Variants in TMC1 observed in about 807,000 individuals in gnomAD.
The protein encoded by TMC1 is transmembrane channel-like protein 1.
In TMC1, 84 loss-of-function variants were observed where a neutral mutation model predicts 105.8. That is an observed-to-expected ratio of 0.79 (90% confidence interval 0.67 to 0.95). The LOEUF (loss-of-function observed/expected upper bound fraction) is 0.95, where lower values mean the gene tolerates loss of function less well. Ranked by LOEUF, TMC1 falls within the 40% of genes least tolerant of loss-of-function variation. The pLI is 0.00. For missense variants in TMC1, 817 were observed against 914.1 expected (o/e 0.89, Z 1.37); for synonymous variants, 315 against 311.5 (o/e 1.01, Z -0.12).
At chr9:72,739,867 C>T (rs1827359011) in intron 8 of TMC1, among the ~76,000 whole-genome samples, 1 of 152,204 alleles carries the variant, frequency 6.6e-6, no homozygotes, top group Non-Finnish European at 1.5e-5. Flanking sequence ...TGACATTTAG[C>T]ATCAATTCCC....
rs144891426 is a variant in TMC1, at chr9:72,682,685, T to C, written c.17-6024T>C. 3.1e-3 allele frequency among the ~76,000 whole-genome samples: 467 copies of C among 152,340 alleles called. 6 individuals are homozygous for C. Among genetic ancestry groups the C allele is most frequent in the African/African-American group, 0.011 (452 of 41,572 alleles). On this transcript the variant is annotated intron_variant, in intron 5 of 23. Transcript: ENST00000297784. Reference sequence around the variant, plus strand: ...CAGTTTTGTATGCAGTAGCTTCTGTTGTCTACTTCACAACCACCAATAGTG... The same window carrying C: ...CAGTTTTGTATGCAGTAGCTTCTGTCGTCTACTTCACAACCACCAATAGTG...
At position 72,694,654 on chromosome 9, in the gene TMC1, A is replaced by G. The variant is rs1826519855; in HGVS notation, c.176A>G (p.Glu59Gly). The G allele has an allele frequency of 6.2e-7, 1 of 1,612,504 alleles. No individual in the cohort carries two copies. Among genetic ancestry groups the G allele is most frequent in the Non-Finnish European group, 8.5e-7 (1 of 1,179,256 alleles). ...GAGGATGACCCAGAACCTGAACCAG[A>G]GGATGAAGAAACAAGGAAGGCAAGA... ...INEDDPEPEP[E>G]DEETRKAREK... The change falls in exon 7 of 24, where the codon GAG becomes GGG. Residue 59 changes from glutamate (E) to glycine (G), a missense_variant. Physicochemically the swap from Glu to Gly is moderately conservative, Grantham distance 98. Coordinates refer to ENST00000297784, the MANE Select transcript of TMC1 (RefSeq NM_138691.3).
chr9:72,653,924 A>G (rs1482075581), intron 5 of TMC1, among the ~76,000 whole-genome samples: 2 of 152,210 alleles, frequency 1.3e-5, no homozygotes, highest in Non-Finnish European at 2.9e-5. Context: ...TACATTTAGT[A>G]TAGTGCTTTT....
intron 13 of TMC1, among the ~76,000 whole-genome samples, chr9:72,782,945 C>T (rs1280130073): frequency 6.6e-6 from 1 of 151,994 alleles, no homozygotes; most frequent in African/African-American, 2.4e-5. Flanking sequence ...ATTTAACATT[C>T]ATATGGAACC....
At chr9:72,730,536 TCCCAG>T (rs1196523684) in intron 8 of TMC1, among the ~76,000 whole-genome samples, 2 of 152,172 alleles carry the variant, frequency 1.3e-5, no homozygotes, top group East Asian at 3.9e-4. Context: ...TGATGCCATA[TCCCAG>T]CCCTAGAGAT....
intron 5 of TMC1, among the ~76,000 whole-genome samples, chr9:72,681,470 C>T (rs924041901): frequency 1.3e-5 from 2 of 151,994 alleles, no homozygotes; most frequent in Admixed American, 1.3e-4. Flanking sequence ...CTGATGGTGT[C>T]GTGAAATACC....
chr9:72,537,845 T>G (rs1823608996), intron 1 of TMC1, among the ~76,000 whole-genome samples: 1 of 152,132 alleles, frequency 6.6e-6, no homozygotes, highest in South Asian at 2.1e-4. Flanking sequence ...ACAGTTGAAG[T>G]CAGCTTGAGT....
chr9:72,622,272 T>G (rs1194579022), intron 3 of TMC1, among the ~76,000 whole-genome samples: 1 of 152,182 alleles, frequency 6.6e-6, no homozygotes, highest in African/African-American at 2.4e-5. Flanking sequence ...GGAAGGTCAC[T>G]CCTGTACACC....
intron 20 of TMC1, among the ~76,000 whole-genome samples, chr9:72,825,757 T>C (rs1208403054): frequency 3.9e-5 from 6 of 152,160 alleles, no homozygotes; most frequent in Non-Finnish European, 5.9e-5. Context: ...ATAAAACATA[T>C]TGGAATAGGG....
intron 18 of TMC1, among the ~76,000 whole-genome samples, chr9:72,807,120 G>T (rs916694728): frequency 6.6e-6 from 1 of 152,212 alleles, no homozygotes; most frequent in Non-Finnish European, 1.5e-5. Flanking sequence ...AGGCGTGTCG[G>T]CGCGAGCCTG....
At chr9:72,803,749 T>G (rs1481493708) in intron 17 of TMC1, among the ~76,000 whole-genome samples, 3 of 152,210 alleles carry the variant, frequency 2.0e-5, no homozygotes, top group African/African-American at 7.2e-5. Flanking sequence ...CTGGTGAGGC[T>G]GCAGAGAGAT....
At position 72,743,094 on chromosome 9, in the gene TMC1, G is replaced by A. The variant is rs1448249940; in HGVS notation, c.535+569G>A. Among the ~76,000 whole-genome samples the A allele has an allele frequency of 5.3e-5, 8 of 152,254 alleles. No homozygotes were observed. In the East Asian group the frequency reaches 5.8e-4, roughly 11 times the overall value. ...CTACTAAAAGTACAAAAGGCCGGGC[G>A]CGGTGGCTCACGCCTGTAATCCCAG... On this transcript the variant is annotated intron_variant, in intron 10 of 23. Coordinates refer to ENST00000297784, the MANE Select transcript of TMC1 (RefSeq NM_138691.3).
At chr9:72,788,049 C>T (rs1828199761) in intron 13 of TMC1, among the ~76,000 whole-genome samples, 1 of 152,132 alleles carries the variant, frequency 6.6e-6, no homozygotes, top group Admixed American at 6.5e-5. Flanking sequence ...CTAATTATCT[C>T]AGTTAAACAA....
chr9:72,683,733 TTATATA>T (rs58007608), intron 5 of TMC1, among the ~76,000 whole-genome samples: 1,738 of 53,350 alleles, frequency 0.033, 54 homozygotes, highest in East Asian at 0.062. Context: ...GTTACACATT[TTATATA>T]TATATATATA....
chr9:72,821,351 A>T (rs901231145), intron 20 of TMC1, among the ~76,000 whole-genome samples: 1 of 151,912 alleles, frequency 6.6e-6, no homozygotes, highest in Non-Finnish European at 1.5e-5. Flanking sequence ...AAGAAAAAAA[A>T]ATTAGTCGCG....
At chr9:72,735,977 T>C (rs1014315683) in intron 8 of TMC1, among the ~76,000 whole-genome samples, 1 of 152,134 alleles carries the variant, frequency 6.6e-6, no homozygotes, top group Non-Finnish European at 1.5e-5. Context: ...TTCAGGGACC[T>C]CTTTGGTATA....
chr9:72,693,956 CT>C (rs200933640), intron 6 of TMC1, among the ~76,000 whole-genome samples: 433 of 146,842 alleles, frequency 2.9e-3, no homozygotes, highest in Admixed American at 5.3e-3. Context: ...GTGTATACTA[CT>C]TTTTTTTTTA....
chr9:72,715,554 G>T (rs565878975), intron 8 of TMC1, among the ~76,000 whole-genome samples: 1 of 151,454 alleles, frequency 6.6e-6, no homozygotes, highest in African/African-American at 2.4e-5. Flanking sequence ...TGATCGATTC[G>T]GCTATTCATA....
chr9:72,788,963 A>G (rs1828216751), intron 14 of TMC1, among the ~76,000 whole-genome samples, 160 bp from the exon 15 acceptor site: 2 of 152,148 alleles, frequency 1.3e-5, no homozygotes, highest in Non-Finnish European at 2.9e-5. Flanking sequence ...GTTTGTTGGC[A>G]ATATTCACCT....
Sources: allele counts gnomAD v4.1 joint callset (sites outside exome capture counted in the v4.1 genomes callset), GRCh38; gene constraint gnomAD v4.1.1; transcripts MANE v1.5; gene names NCBI Gene and HGNC (gene_info 2026-07-23, HGNC 2026-07-21).